KIF13A: variants seen among roughly 807,000 people sequenced by gnomAD.
KIF13A encodes kinesin-like protein KIF13A.
In KIF13A, 79 loss-of-function variants were observed where a neutral mutation model predicts 212.2. The ratio of observed to expected loss-of-function variants is 0.37; its 90% CI spans 0.31 to 0.45. The LOEUF (loss-of-function observed/expected upper bound fraction) is 0.45, where lower values mean the gene tolerates loss of function less well. Among genes scored for constraint, KIF13A ranks in the 20% least tolerant of loss-of-function variants. KIF13A has a pLI of 1.00. For synonymous variants in KIF13A, 789 were observed against 808.6 expected, an observed-to-expected ratio of 0.98 and a Z score of 0.41; for missense variants, 1,901 against 2,209.0, an observed-to-expected ratio of 0.86 and a Z score of 2.79.
In KIF13A at chr6:17,839,249, C is replaced by T. The variant is rs537656031; in HGVS notation, c.831-1666G>A. Among the ~76,000 whole-genome samples the T allele has an allele frequency of 2.0e-5, 3 of 152,292 alleles. No individual in the cohort carries two copies. The South Asian group carries it at 6.2e-4, about 32-fold the overall frequency. On this transcript the variant is annotated intron_variant, in intron 9 of 38. Transcript: ENST00000259711. The surrounding 1 kb of genome is among the most constrained non-coding windows in gnomAD (Gnocchi z 4.3). ...TTGCACTTGTACCCCATACATTTAT[C>T]CACAAAAATGTACATCATACTTGAC...
chr6:17,855,053 A>G lies in KIF13A; in HGVS notation c.494+384T>C, dbSNP rs564126475. Among the ~76,000 whole-genome samples the G allele has an allele frequency of 5.3e-5, 8 of 152,292 alleles. No homozygotes were observed. Among genetic ancestry groups the G allele is most frequent in the African/African-American group, 1.7e-4 (7 of 41,564 alleles). Reference sequence around the variant, plus strand: ...CATGATTCCAATGCACAGCCAGGGAAGGGCATTGCTTGCCTTGGCTGGGAT... The same window carrying G: ...CATGATTCCAATGCACAGCCAGGGAGGGGCATTGCTTGCCTTGGCTGGGAT... On this transcript the variant is annotated intron_variant, in intron 6 of 38. Transcript: ENST00000259711. This position sits in a 1 kb window ranked among gnomAD's most constrained non-coding sequence, Gnocchi z 4.1.
rs1405147657 is a variant in KIF13A at position 17,849,554 on chromosome 6, A to T, written c.718-65T>A. 2 of 1,130,926 alleles carry T rather than the reference A, an allele frequency of 1.8e-6. No individual in the cohort carries two copies. The highest frequency in any genetic ancestry group is 4.9e-5 in the East Asian group (2 of 40,416). 70.1% of individuals were successfully genotyped at this position (1,130,926 alleles called of 1,614,324 possible). On this transcript the variant is annotated intron_variant, in intron 8 of 38. Coordinates refer to ENST00000259711, the MANE Select transcript of KIF13A (RefSeq NM_022113.6). The surrounding 1 kb of genome is among the most constrained non-coding windows in gnomAD (Gnocchi z 5.7). ...ATAAAAACCACATGGATATCTACAT[A>T]TATGTTAGCACTATAATTGAGCAAT...
intron 20 of KIF13A, among the ~76,000 whole-genome samples, chr6:17,801,494 T>G (rs748507813): frequency 2.0e-5 from 3 of 152,112 alleles, no homozygotes; most frequent in Non-Finnish European, 4.4e-5. Flanking sequence ...AGAGTGAGAC[T>G]CGGTCTCAAA....
At chr6:17,844,112 AT>A (rs1449190946) in intron 9 of KIF13A, among the ~76,000 whole-genome samples, 6 of 152,122 alleles carry the variant, frequency 3.9e-5, no homozygotes, top group Admixed American at 3.3e-4. Flanking sequence ...AAATAAGTGG[AT>A]TTGAGTTTAG....
At chr6:17,788,164 G>A (rs1050363813) in intron 26 of KIF13A, among the ~76,000 whole-genome samples, 2 of 152,056 alleles carry the variant, frequency 1.3e-5, no homozygotes, top group African/African-American at 2.4e-5. Context: ...TTTTTACAAT[G>A]AGTGTATGTA....
Position 17,796,708 on chromosome 6 carries a change from A to G in KIF13A, c.2903T>C (p.Val968Ala). The G allele has an allele frequency of 6.3e-7, 1 of 1,578,882 alleles. No individual in the cohort carries two copies. The highest frequency in any genetic ancestry group is 8.6e-7 in the Non-Finnish European group (1 of 1,161,440). Residue 968 changes from valine to alanine, a missense_variant, in exon 23 of 39, where the codon GTC (valine) becomes GCC (alanine). Coordinates refer to ENST00000259711, the MANE Select transcript of KIF13A (RefSeq NM_022113.6). ...TCTTGTCTTAGCATGAAGAGAATCG[A>G]CCTCCCAGATGGAGCTGCCATTTCC... ...CAGNGSSIWE[V>A]DSLHAKTRTL... is the part of the protein sequence containing the mutation.
At position 17,934,806 on chromosome 6, in the gene KIF13A, C is replaced by T. The variant is rs1165965405; in HGVS notation, c.147-36626G>A. On this transcript the variant is annotated intron_variant, in intron 2 of 38. Coordinates refer to ENST00000259711, the MANE Select transcript of KIF13A (RefSeq NM_022113.6). This position sits in a 1 kb window ranked among gnomAD's most constrained non-coding sequence, Gnocchi z 5.4. ...TGTCTCCAAAAAAAAAAAAAAGACA[C>T]TTAAAAATAATACTCTTGTGCTGTT... Among the ~76,000 whole-genome samples the T allele has an allele frequency of 6.6e-6, 1 of 151,042 alleles. No homozygotes were observed. The highest frequency in any genetic ancestry group is 1.5e-5 in the Non-Finnish European group (1 of 67,762).
At chr6:17,844,871 G>A (rs1057233963) in intron 9 of KIF13A, among the ~76,000 whole-genome samples, 1 of 152,106 alleles carries the variant, frequency 6.6e-6, no homozygotes, top group African/African-American at 2.4e-5. Flanking sequence ...ACAAATTCAT[G>A]TTTTGTTATT....
chr6:17,841,007 T>C (rs1293273956), intron 9 of KIF13A, among the ~76,000 whole-genome samples: 1 of 152,040 alleles, frequency 6.6e-6, no homozygotes, highest in South Asian at 2.1e-4. Flanking sequence ...AGACAACTCT[T>C]ATTCACCATA....
intron 25 of KIF13A, among the ~76,000 whole-genome samples, chr6:17,792,184 C>G (rs1171147548): frequency 1.0e-5 from 1 of 97,222 alleles, no homozygotes; most frequent in Non-Finnish European, 1.8e-5. Context: ...GCCTAGGGGA[C>G]AGAGTGAGAC....
intron 2 of KIF13A, among the ~76,000 whole-genome samples, chr6:17,909,645 G>T (rs544486051): frequency 9.9e-5 from 15 of 151,424 alleles, no homozygotes; most frequent in South Asian, 2.1e-4. Context: ...CTGTAATCCC[G>T]GCACGTTGGG....
At chr6:17,955,612 T>TA (rs1273188872) in intron 2 of KIF13A, among the ~76,000 whole-genome samples, 1 of 152,234 alleles carries the variant, frequency 6.6e-6, no homozygotes, top group Non-Finnish European at 1.5e-5. Context: ...AAATTTGTCT[T>TA]ATTTAAGAAC....
At chr6:17,805,085 G>A (rs1398033585) in intron 19 of KIF13A, among the ~76,000 whole-genome samples, 1 of 152,040 alleles carries the variant, frequency 6.6e-6, no homozygotes, top group Non-Finnish European at 1.5e-5. Context: ...TCACAGCTAG[G>A]GGTGCGTGAA....
At position 17,947,987 on chromosome 6, in the gene KIF13A, G is replaced by A. The variant is rs1777550221; in HGVS notation, c.146+39067C>T. On this transcript the variant is annotated intron_variant, in intron 2 of 38. Transcript: ENST00000259711. The surrounding 1 kb of genome is among the most constrained non-coding windows in gnomAD (Gnocchi z 4.6). ...TGCAGCAAAGCTTTAAAATGTGTAA[G>A]TCTGCTATTCTTGCAACTTATTTTT... Among the ~76,000 whole-genome samples the A allele has an allele frequency of 6.6e-6, 1 of 152,172 alleles. No homozygotes were observed. Among genetic ancestry groups the A allele is most frequent in the African/African-American group, 2.4e-5 (1 of 41,446 alleles).
At position 17,855,015 on chromosome 6, in the gene KIF13A, A is replaced by G. The variant is rs766089861; in HGVS notation, c.494+422T>C. Among the ~76,000 whole-genome samples, 12 of 152,324 alleles carry G rather than the reference A, an allele frequency of 7.9e-5. No individual in the cohort carries two copies. The highest frequency in any genetic ancestry group is 1.6e-4 in the Non-Finnish European group (11 of 68,034). On this transcript the variant is annotated intron_variant, in intron 6 of 38. Transcript: ENST00000259711. The surrounding 1 kb of genome is among the most constrained non-coding windows in gnomAD (Gnocchi z 4.1). The stretch of plus-strand genomic sequence containing the variant: ...GTGGACATCAGGCAAGTGGATGCTT[A>G]AAACGTTCCCCACATGATTCCAATG...
chr6:17,905,405 A>C (rs1202099336), intron 2 of KIF13A, among the ~76,000 whole-genome samples: 1 of 152,230 alleles, frequency 6.6e-6, no homozygotes, highest in African/African-American at 2.4e-5. Context: ...ATACATGAAT[A>C]ATTAATATTA....
chr6:17,917,190 AG>A (rs1455574961), intron 2 of KIF13A, among the ~76,000 whole-genome samples: 3 of 147,432 alleles, frequency 2.0e-5, no homozygotes, highest in Non-Finnish European at 4.5e-5. Flanking sequence ...AGGAAAACGG[AG>A]GGGGAACTAA....
Position 17,855,770 on chromosome 6 carries a change from G to A in KIF13A, c.314-153C>T, listed in dbSNP as rs1355766597. 6.6e-6 allele frequency among the ~76,000 whole-genome samples: 1 copy of A among 152,226 alleles called. No homozygotes were observed. ...ACCCTGTTGCTCAGGCTGGAGTGCA[G>A]TGGTGTGATCATGGCTCACTACAGT... On this transcript the variant is annotated intron_variant, in intron 5 of 38. Transcript: ENST00000259711. The surrounding 1 kb of genome is among the most constrained non-coding windows in gnomAD (Gnocchi z 4.1).
Position 17,806,449 on chromosome 6 carries a change from AC to A in KIF13A, c.2164-835del, listed in dbSNP as rs1306930786. ...CAAAGGGGAACTACTAGGTCAAAAG[AC>A]TAAAACCCAGTAAGACTGATAAGAT... On this transcript the variant is annotated intron_variant, in intron 18 of 38. Coordinates refer to ENST00000259711, the MANE Select transcript of KIF13A (RefSeq NM_022113.6). 5.9e-5 allele frequency among the ~76,000 whole-genome samples: 9 copies of A among 152,366 alleles called. No individual in the cohort carries two copies. The East Asian group carries it at 1.7e-3, about 29-fold the overall frequency.
Sources: allele counts gnomAD v4.1 joint callset (sites outside exome capture counted in the v4.1 genomes callset), GRCh38; gene constraint gnomAD v4.1.1; non-coding constraint Gnocchi (gnomAD v3.1); transcripts MANE v1.5; gene names NCBI Gene and HGNC (gene_info 2026-07-23, HGNC 2026-07-21).